Variants in TMEM161B observed in about 807,000 individuals in gnomAD.
TMEM161B encodes the protein transmembrane protein 161B.
TMEM161B carries 34 observed loss-of-function variants against 61.8 expected under a neutral mutation model. The ratio of observed to expected loss-of-function variants is 0.55; its 90% CI spans 0.42 to 0.73. The LOEUF is 0.73. Ranked by LOEUF, TMEM161B falls within the 30% of genes least tolerant of loss-of-function variation. The pLI, the probability that TMEM161B is intolerant of heterozygous loss-of-function variation, is 0.00. For synonymous variants in TMEM161B, 167 were observed against 192.8 expected, an observed-to-expected ratio of 0.87 and a Z score of 1.11; for missense variants, 456 against 558.5, an observed-to-expected ratio of 0.82 and a Z score of 1.85.
At chr5:88,219,389 A>G (rs1007087199) in intron 5 of TMEM161B, among the ~76,000 whole-genome samples, 1 of 152,200 alleles carries the variant, frequency 6.6e-6, no homozygotes, top group African/African-American at 2.4e-5. Context: ...TATAAAAGTA[A>G]GCATGAAACA....
chr5:88,258,584 C>A (rs1755295344), intron 1 of TMEM161B, among the ~76,000 whole-genome samples: 1 of 152,068 alleles, frequency 6.6e-6, no homozygotes, highest in Non-Finnish European at 1.5e-5. Flanking sequence ...AAATACATAT[C>A]CCCATAAACC....
In TMEM161B at chr5:88,256,676, G is replaced by A. The variant is rs531113584; in HGVS notation, c.3+12045C>T. On this transcript the variant is annotated intron_variant, in intron 1 of 11. Transcript: ENST00000296595. ...TTAAGGGTCTCTCCCCCTTGAAAAT[G>A]GCATTCATCTCATTTCTTCAGCCTC... 2.6e-3 allele frequency among the ~76,000 whole-genome samples: 399 copies of A among 152,270 alleles called. 2 individuals are homozygous for A. Among genetic ancestry groups the A allele is most frequent in the Non-Finnish European group, 4.4e-3 (298 of 68,016 alleles).
intron 2 of TMEM161B, among the ~76,000 whole-genome samples, chr5:88,240,278 T>C (rs1752508069): frequency 6.6e-6 from 1 of 151,940 alleles, no homozygotes; most frequent in South Asian, 2.1e-4. Flanking sequence ...TGTATTATAA[T>C]AAATTCTGGA....
At chr5:88,219,525 G>T (rs1748526747) in intron 5 of TMEM161B, among the ~76,000 whole-genome samples, 1 of 151,790 alleles carries the variant, frequency 6.6e-6, no homozygotes, top group Non-Finnish European at 1.5e-5. Flanking sequence ...TGAGTTTTCA[G>T]ATTTAAAGGG....
intron 1 of TMEM161B, among the ~76,000 whole-genome samples, chr5:88,250,224 G>A (rs1472436055): frequency 6.6e-6 from 1 of 151,940 alleles, no homozygotes; most frequent in Non-Finnish European, 1.5e-5. Flanking sequence ...ACCGAGACCA[G>A]AAGCCTGGCT....
At position 88,213,110 on chromosome 5, in the gene TMEM161B, CCT is replaced by C. The variant is rs144619851; in HGVS notation, c.447-5932_447-5931del. Among the ~76,000 whole-genome samples, 867 of 152,168 alleles carry C rather than the reference CCT, an allele frequency of 5.7e-3. 15 individuals are homozygous for C. Among genetic ancestry groups the C allele is most frequent in the African/African-American group, 0.02 (836 of 41,534 alleles). Reference sequence around the variant, plus strand: ...TCTATTCAAATAATTAAATCTTCCACCTCTGTTTTTCCATAAGAAAAGGCAAC... The same window carrying C: ...TCTATTCAAATAATTAAATCTTCCACCTGTTTTTCCATAAGAAAAGGCAAC... On this transcript the variant is annotated intron_variant, in intron 5 of 11. Coordinates refer to ENST00000296595, the MANE Select transcript of TMEM161B (RefSeq NM_153354.5).
chr5:88,253,490 G>T (rs989230387), intron 1 of TMEM161B, among the ~76,000 whole-genome samples: 1 of 152,152 alleles, frequency 6.6e-6, no homozygotes, highest in Non-Finnish European at 1.5e-5. Flanking sequence ...AGGAAGAGAA[G>T]GTCAGGCAGT....
chr5:88,265,260 C>T (rs1380355746), intron 1 of TMEM161B, among the ~76,000 whole-genome samples: 1 of 152,122 alleles, frequency 6.6e-6, no homozygotes, highest in East Asian at 1.9e-4. Flanking sequence ...GTTGAAGTCA[C>T]CTACTACAGC....
At chr5:88,223,184 C>T (rs1749329368) in intron 4 of TMEM161B, among the ~76,000 whole-genome samples, 1 of 149,542 alleles carries the variant, frequency 6.7e-6, no homozygotes, top group African/African-American at 2.5e-5. Flanking sequence ...ATGGCTGTAC[C>T]ACATTCAGTG....
Position 88,202,805 on chromosome 5 carries a change from G to C in TMEM161B, c.914+157C>G. ...AAGATCACAAAAATGTTACATGATG[G>C]TCTGTAGTTTCAATTTTCTAACACA... On this transcript the variant is annotated intron_variant, in intron 9 of 11. Coordinates refer to ENST00000296595, the MANE Select transcript of TMEM161B (RefSeq NM_153354.5). 3 of 666,266 alleles carry C rather than the reference G, an allele frequency of 4.5e-6. No homozygotes were observed. In the South Asian group the frequency reaches 5.1e-5, roughly 11 times the overall value. 41.3% of individuals were successfully genotyped at this position (666,266 alleles called of 1,614,324 possible).
chr5:88,244,252 T>A (rs927760951), intron 1 of TMEM161B, among the ~76,000 whole-genome samples: 4 of 151,804 alleles, frequency 2.6e-5, no homozygotes, highest in Admixed American at 2.6e-4. Context: ...TCTTCCAGGG[T>A]TTTTATTGGT....
At chr5:88,218,341 T>A (rs1748293451) in intron 5 of TMEM161B, among the ~76,000 whole-genome samples, 3 of 151,958 alleles carry the variant, frequency 2.0e-5, no homozygotes, top group Non-Finnish European at 4.4e-5. Context: ...TTTCTAGAAC[T>A]CAAGAACATC....
intron 1 of TMEM161B, among the ~76,000 whole-genome samples, chr5:88,252,954 A>G (rs1399390092): frequency 6.6e-6 from 1 of 152,196 alleles, no homozygotes; most frequent in Admixed American, 6.5e-5. Context: ...AATTAGAAAC[A>G]GGATGCTTGG....
At chr5:88,227,305 G>A (rs1367288116) in intron 3 of TMEM161B, among the ~76,000 whole-genome samples, 1 of 152,156 alleles carries the variant, frequency 6.6e-6, no homozygotes, top group Non-Finnish European at 1.5e-5. Flanking sequence ...TTACCAGTAC[G>A]TAACCTTACT....
intron 2 of TMEM161B, among the ~76,000 whole-genome samples, chr5:88,238,220 A>C (rs1752174501): frequency 6.6e-6 from 1 of 151,986 alleles, no homozygotes; most frequent in African/African-American, 2.4e-5. Context: ...GATTGGCTGA[A>C]TCCAGAAATA....
At chr5:88,200,924 C>T (rs1257402253) in intron 9 of TMEM161B, 1 of 152,074 alleles carries the variant, frequency 6.6e-6, no homozygotes, top group East Asian at 1.9e-4. Flanking sequence ...CTTCTGATTA[C>T]AAAGACCTTT....
At chr5:88,250,056 A>G (rs1754126677) in intron 1 of TMEM161B, among the ~76,000 whole-genome samples, 1 of 152,138 alleles carries the variant, frequency 6.6e-6, no homozygotes, top group Non-Finnish European at 1.5e-5. Flanking sequence ...ACAACACAGA[A>G]AGACACCAGA....
chr5:88,206,983 A>ACTAT, intron 6 of TMEM161B, 46 bp downstream of exon 6: 2 of 1,571,814 alleles, frequency 1.3e-6, no homozygotes, highest in Non-Finnish European at 1.7e-6. Context: ...AAATATTAAC[A>ACTAT]CTAGATAAAG....
At chr5:88,220,057 G>A (rs1229941996) in intron 5 of TMEM161B, among the ~76,000 whole-genome samples, 1 of 151,828 alleles carries the variant, frequency 6.6e-6, no homozygotes, top group East Asian at 1.9e-4. Context: ...GAAGTTTACA[G>A]TTTCCACAAT....
Sources: gnomAD v4.1 joint callset for allele counts (sites outside exome capture counted in the v4.1 genomes callset) on GRCh38, gnomAD v4.1.1 for gene constraint, MANE v1.5 for transcripts, NCBI Gene and HGNC (gene_info 2026-07-23, HGNC 2026-07-21) for gene names.